Variants in S100Z observed in about 807,000 individuals in gnomAD.
The protein encoded by S100Z is protein S100-Z.
S100Z carries 11 observed loss-of-function variants against 8.5 expected under a neutral mutation model. The observed-to-expected ratio is 1.30, with a 90% CI of 0.82 to 2.15. The LOEUF is 2.15. S100Z is among the 30% of genes most tolerant of loss of function. The probability of loss-of-function intolerance (pLI) is 0.00; values close to 1 mark genes in which losing one functional copy is unlikely to be tolerated. For missense variants in S100Z, 126 were observed against 117.9 expected, an observed-to-expected ratio of 1.07 and a Z score of -0.32; for synonymous variants, 34 against 43.8, an observed-to-expected ratio of 0.78 and a Z score of 0.89.
chr5:76,857,465 G>A (rs1750916831), intron 1 of S100Z, among the ~76,000 whole-genome samples: 2 of 151,306 alleles, frequency 1.3e-5, no homozygotes, highest in Admixed American at 6.6e-5. Flanking sequence ...ACTGTCTTGG[G>A]TAGGATTTGC....
intron 4 of S100Z, among the ~76,000 whole-genome samples, chr5:76,915,396 G>A (rs2150684666): frequency 6.6e-6 from 1 of 151,368 alleles, no homozygotes; most frequent in East Asian, 2.0e-4. Flanking sequence ...CAGGTCAGGA[G>A]ATCAAGACCA....
chr5:76,893,022 C>G (rs572986119), intron 4 of S100Z, among the ~76,000 whole-genome samples: 3 of 152,096 alleles, frequency 2.0e-5, no homozygotes, highest in Non-Finnish European at 4.4e-5. Context: ...GGAGACTTAT[C>G]GTTGTAGCTC....
At chr5:76,853,933 T>C (rs566423677) in intron 1 of S100Z, among the ~76,000 whole-genome samples, 3 of 152,178 alleles carry the variant, frequency 2.0e-5, no homozygotes, top group Admixed American at 1.3e-4. Context: ...AGTGAGTAAG[T>C]GAGGTAGCGT....
chr5:76,866,912 T>C (rs1274962354), intron 1 of S100Z, among the ~76,000 whole-genome samples: 3 of 152,246 alleles, frequency 2.0e-5, no homozygotes, highest in Non-Finnish European at 2.9e-5. Context: ...ATTTCTACTT[T>C]GTTAGTTTCA....
At chr5:76,905,889 G>A (rs1334262946) in intron 4 of S100Z, among the ~76,000 whole-genome samples, 1 of 151,880 alleles carries the variant, frequency 6.6e-6, no homozygotes, top group African/African-American at 2.4e-5. Flanking sequence ...CAGTACAGTG[G>A]TATGATCGTG....
At chr5:76,871,940 A>G (rs1238388889) in intron 2 of S100Z, among the ~76,000 whole-genome samples, 1 of 152,244 alleles carries the variant, frequency 6.6e-6, no homozygotes, top group African/African-American at 2.4e-5. Context: ...AACTTAACAT[A>G]TAAAACCAAA....
intron 1 of S100Z, among the ~76,000 whole-genome samples, 180 bp downstream of exon 1, chr5:76,850,335 GGAGAGAGAGAGA>G (rs1172691001): frequency 1.8e-5 from 2 of 111,004 alleles, no homozygotes; most frequent in South Asian, 6.7e-4. Context: ...GGGGGGTGGG[GGAGAGAGAGAGA>G]GAGAGAGAGA....
At chr5:76,932,371 A>G in the S100Z span, among the ~76,000 whole-genome samples, 1 of 151,960 alleles carries the variant, frequency 6.6e-6, no homozygotes, top group Non-Finnish European at 1.5e-5. Context: ...TTTCTTTTTG[A>G]GACAGGGTCT....
intron 4 of S100Z, among the ~76,000 whole-genome samples, chr5:76,913,689 C>G (rs1744749008): frequency 6.6e-6 from 1 of 152,220 alleles, no homozygotes; most frequent in Admixed American, 6.5e-5. Context: ...TATCCTTACT[C>G]TACAATCCCA....
At chr5:76,927,651 A>G in the S100Z span, among the ~76,000 whole-genome samples, 1 of 152,226 alleles carries the variant, frequency 6.6e-6, no homozygotes, top group Non-Finnish European at 1.5e-5. Context: ...AAGAAAACTC[A>G]AAGGGCATTT....
chr5:76,916,160 CAAAAA>C (rs60866296), intron 4 of S100Z, among the ~76,000 whole-genome samples: 2 of 66,852 alleles, frequency 3.0e-5, no homozygotes, highest in South Asian at 1.2e-3. Flanking sequence ...GACTCCATCT[CAAAAA>C]AAAAAAAAAA....
chr5:76,888,349 T>TC (rs1430796784), intron 4 of S100Z, among the ~76,000 whole-genome samples: 2 of 147,594 alleles, frequency 1.4e-5, no homozygotes, highest in Non-Finnish European at 3.0e-5. Context: ...TTTTTTTTTT[T>TC]CCTGGGAAAG....
intron 4 of S100Z, among the ~76,000 whole-genome samples, chr5:76,901,295 C>G (rs536628491): frequency 6.6e-6 from 1 of 152,354 alleles, no homozygotes; most frequent in African/African-American, 2.4e-5. Flanking sequence ...CCAGCCAGGC[C>G]TGTGTCCTTC....
chr5:76,887,157 C>T lies in S100Z; in HGVS notation c.*2+9323C>T, dbSNP rs1010815230. The stretch of plus-strand genomic sequence containing the variant: ...CTGTCACCAGGCTGGAGTGCAGTGG[C>T]GCAATCTCAGCTCACTGCAACCTCT... On this transcript the variant is annotated intron_variant, in intron 4 of 4. Transcript: ENST00000317593. 6.0e-5 allele frequency among the ~76,000 whole-genome samples: 9 copies of T among 150,152 alleles called. No homozygotes were observed. The South Asian group carries it at 6.3e-4, about 11-fold the overall frequency.
intron 4 of S100Z, among the ~76,000 whole-genome samples, chr5:76,888,329 GTTTTC>G (rs1055854359): frequency 8.6e-6 from 1 of 115,652 alleles, no homozygotes; most frequent in African/African-American, 3.1e-5. Context: ...TCCTTGGGAA[GTTTTC>G]TTTTTTTTTT....
At chr5:76,864,615 G>C (rs1488590547) in intron 1 of S100Z, among the ~76,000 whole-genome samples, 10 of 151,916 alleles carry the variant, frequency 6.6e-5, no homozygotes, top group African/African-American at 2.4e-4. Flanking sequence ...TGTTGCCTAG[G>C]CTGGTCTCAA....
chr5:76,902,140 G>T (rs960895545), intron 4 of S100Z, among the ~76,000 whole-genome samples: 6 of 152,024 alleles, frequency 3.9e-5, no homozygotes, highest in African/African-American at 1.2e-4. Flanking sequence ...AGAAGGAAGG[G>T]GGTCTCTTTT....
intron 1 of S100Z, among the ~76,000 whole-genome samples, chr5:76,861,193 G>C (rs1249518894): frequency 6.6e-6 from 1 of 152,258 alleles, no homozygotes; most frequent in Admixed American, 6.5e-5. Context: ...GGTTCATTGC[G>C]TGCCTGGTCA....
At chr5:76,892,571 T>G (rs77606887) in intron 4 of S100Z, among the ~76,000 whole-genome samples, 2,150 of 152,182 alleles carry the variant, frequency 0.014, 64 homozygotes, top group East Asian at 0.12. Context: ...CAAGAACATC[T>G]GTGATCTGTG....
Sources: gnomAD v4.1 joint callset for allele counts (sites outside exome capture counted in the v4.1 genomes callset) on GRCh38, gnomAD v4.1.1 for gene constraint, MANE v1.5 for transcripts, NCBI Gene and HGNC (gene_info 2026-07-23, HGNC 2026-07-21) for gene names.